The following DST variants were observed in gnomAD, a reference collection of about 807,000 sequenced individuals.
DST encodes the protein bullous pemphigoid antigen.
Under a neutral mutation model 875.2 loss-of-function variants are expected in DST, and 253 were observed. The observed-to-expected ratio is 0.29, with a 90% CI of 0.26 to 0.32. The LOEUF is 0.32. Ranked by LOEUF, DST falls within the 10% of genes least tolerant of loss-of-function variation. DST has a pLI of 1.00. For synonymous variants in DST, 3,124 were observed against 3,197.1 expected, an observed-to-expected ratio of 0.98 and a Z score of 0.77; for missense variants, 8,287 against 9,111.6, an observed-to-expected ratio of 0.91 and a Z score of 3.68.
At chr6:56,844,629 C>T (rs1054352532) in intron 4 of DST, among the ~76,000 whole-genome samples, 1 of 152,118 alleles carries the variant, frequency 6.6e-6, no homozygotes, top group Non-Finnish European at 1.5e-5. Flanking sequence ...AATCCCAGCA[C>T]TTTGGGAGGC....
intron 4 of DST, among the ~76,000 whole-genome samples, chr6:56,824,837 C>T (rs1034217631): frequency 1.3e-4 from 20 of 151,716 alleles, no homozygotes; most frequent in African/African-American, 2.2e-4. Flanking sequence ...AAGTGAGGAG[C>T]GTCTCCGCCC....
chr6:56,726,638 T>C (rs1230612757), intron 5 of DST, among the ~76,000 whole-genome samples: 1 of 152,210 alleles, frequency 6.6e-6, no homozygotes, highest in African/African-American at 2.4e-5. Context: ...TCAGTTTCTA[T>C]ACCTATAATT....
At chr6:56,617,500 C>A in intron 36 of DST, 1 of 1,265,226 alleles carries the variant, frequency 7.9e-7, no homozygotes, top group Non-Finnish European at 1.1e-6. Context: ...AAACATAATT[C>A]TTTGAATTAC....
At position 56,752,939 on chromosome 6, in the gene DST, G is replaced by A. The variant is rs59643604; in HGVS notation, c.626-17650C>T. Reference sequence around the variant, plus strand: ...CCTGAGTAGCTGGGATTACAGACATGCACCACCACACCTGGCTAATTTTGT... The same window carrying A: ...CCTGAGTAGCTGGGATTACAGACATACACCACCACACCTGGCTAATTTTGT... On this transcript the variant is annotated intron_variant, in intron 4 of 103. Transcript: ENST00000680361. Among the ~76,000 whole-genome samples the A allele has an allele frequency of 6.4e-3, 978 of 152,088 alleles. 12 individuals are homozygous for A. The highest frequency in any genetic ancestry group is 0.023 in the African/African-American group (948 of 41,482).
At chr6:56,726,016 AT>A (rs2099455022) in intron 5 of DST, among the ~76,000 whole-genome samples, 1 of 152,184 alleles carries the variant, frequency 6.6e-6, no homozygotes, top group South Asian at 2.1e-4. Context: ...AACACTGTAC[AT>A]CAACAGCATT....
chr6:56,705,191 G>A (rs562666255), intron 5 of DST, among the ~76,000 whole-genome samples: 311 of 152,246 alleles, frequency 2.0e-3, no homozygotes, highest in Non-Finnish European at 3.5e-3. Context: ...CAGGTATTAA[G>A]ATGGCTGTTC....
intron 4 of DST, among the ~76,000 whole-genome samples, chr6:56,769,545 C>G (rs1430019534): frequency 6.6e-6 from 1 of 152,172 alleles, no homozygotes; most frequent in African/African-American, 2.4e-5. Context: ...ATTGGTCAGG[C>G]ACGGTGGCTC....
chr6:56,857,662 T>G (rs914044078), intron 3 of DST, among the ~76,000 whole-genome samples: 2 of 152,106 alleles, frequency 1.3e-5, no homozygotes, highest in African/African-American at 4.8e-5. Context: ...AAACAGAAAA[T>G]TTTTTCTCCA....
intron 5 of DST, among the ~76,000 whole-genome samples, chr6:56,716,469 T>C (rs1462134452): frequency 1.3e-5 from 2 of 152,226 alleles, no homozygotes; most frequent in Non-Finnish European, 2.9e-5. Flanking sequence ...TGACCTTGGG[T>C]CAGGCAAAGA....
intron 5 of DST, among the ~76,000 whole-genome samples, chr6:56,718,595 G>A (rs2099403261): frequency 6.6e-6 from 1 of 152,188 alleles, no homozygotes; most frequent in Non-Finnish European, 1.5e-5. Context: ...TCTACACAAA[G>A]TCTTGCACAT....
At chr6:56,763,403 G>A (rs2099622526) in intron 4 of DST, among the ~76,000 whole-genome samples, 1 of 152,092 alleles carries the variant, frequency 6.6e-6, no homozygotes, top group African/African-American at 2.4e-5. Context: ...CAGGCATGGT[G>A]GCTCACGCCT....
intron 72 of DST, 124 bp downstream of exon 72, chr6:56,515,326 G>T: frequency 9.2e-7 from 1 of 1,088,414 alleles, no homozygotes; most frequent in Non-Finnish European, 1.3e-6. Context: ...AAATTACACA[G>T]ACCAGAACAC....
At chr6:56,812,855 ACCATTTGACCCAGCCATC>A (rs974604021) in intron 4 of DST, among the ~76,000 whole-genome samples, 23 of 152,152 alleles carry the variant, frequency 1.5e-4, no homozygotes, top group Non-Finnish European at 3.4e-4. Flanking sequence ...AACTAGAAAT[ACCATTTGACCCAGCCATC>A]CCATTACTGG....
chr6:56,608,571 G>A lies in DST; in HGVS notation c.6057C>T (p.Asp2019=), dbSNP rs764824226. Residue 2019 remains aspartate, a synonymous_variant, in exon 40 of 104, where the codon GAC becomes GAT. Coordinates refer to ENST00000680361, the MANE Select transcript of DST (RefSeq NM_001374736.1). ...EAVREGVIDR[D]TASSILTYQV... ...GATATGTGAGGATACTGCTAGCAGT[G>A]TCCCTGTCAATCACCCCTTCTCTGA... The A allele has an allele frequency of 6.2e-7, 1 of 1,613,370 alleles. No homozygotes were observed. Among genetic ancestry groups the A allele is most frequent in the Non-Finnish European group, 8.5e-7 (1 of 1,179,708 alleles).
At chr6:56,589,352 G>T (rs1414750012) in intron 49 of DST, among the ~76,000 whole-genome samples, 2 of 151,996 alleles carry the variant, frequency 1.3e-5, no homozygotes, top group Non-Finnish European at 2.9e-5. Context: ...AAGTATCAAG[G>T]TCCTAATTTA....
At chr6:56,486,633 G>A (rs772748286) in intron 87 of DST, among the ~76,000 whole-genome samples, 2 of 152,114 alleles carry the variant, frequency 1.3e-5, no homozygotes, top group Non-Finnish European at 2.9e-5. Flanking sequence ...AGGGGTAGAT[G>A]GAGTTGGAAA....
intron 3 of DST, among the ~76,000 whole-genome samples, chr6:56,888,123 G>A (rs1237249465): frequency 6.6e-6 from 1 of 151,720 alleles, no homozygotes; most frequent in Non-Finnish European, 1.5e-5. Context: ...GCTAAGTTTT[G>A]TATTTTTAGT....
rs201218698 is a variant in DST at position 56,611,658 on chromosome 6, T to TA, written c.5059-63dup. 5.1e-3 allele frequency: 5,708 copies of TA among 1,112,952 alleles called. 29 individuals are homozygous for TA. The highest frequency in any genetic ancestry group is 6.2e-3 in the Non-Finnish European group (4,793 of 768,218). The allele number at this position is 1,112,952 out of a possible 1,614,324, so 68.9% of individuals were successfully genotyped here. On this transcript the variant is annotated intron_variant, in intron 37 of 103. Coordinates refer to ENST00000680361, the MANE Select transcript of DST (RefSeq NM_001374736.1). ...CAAAAGGAGTAAACAGTATTTTTTT[T>TA]AAAAAAAAGAAATTAATCAAGCTTT... is the stretch of plus-strand genomic sequence containing the variant.
At chr6:56,860,775 A>C (rs1336651623) in intron 3 of DST, among the ~76,000 whole-genome samples, 1 of 152,220 alleles carries the variant, frequency 6.6e-6, no homozygotes, top group Non-Finnish European at 1.5e-5. Context: ...AGACACAGAA[A>C]CTAGAAGTTA....
Sources: allele counts gnomAD v4.1 joint callset (sites outside exome capture counted in the v4.1 genomes callset), GRCh38; gene constraint gnomAD v4.1.1; transcripts MANE v1.5; gene names NCBI Gene and HGNC (gene_info 2026-07-23, HGNC 2026-07-21).